ANO6: variants seen among roughly 807,000 people sequenced by gnomAD.
ANO6 encodes the protein anoctamin-6.
ANO6 carries 106 observed loss-of-function variants against 117.5 expected under a neutral mutation model. That is an observed-to-expected ratio of 0.90 (90% CI 0.77 to 1.06). The LOEUF (loss-of-function observed/expected upper bound fraction) is 1.06, where lower values mean the gene tolerates loss of function less well. ANO6 is among the 50% of genes least tolerant of loss of function. The probability of loss-of-function intolerance (pLI) is 0.00; values close to 1 mark genes in which losing one functional copy is unlikely to be tolerated. For synonymous variants in ANO6, 367 were observed against 385.1 expected (o/e 0.95, Z 0.55); for missense variants, 955 against 1,121.1 (o/e 0.85, Z 2.12).
chr12:45,330,847 T>C (rs773545400), intron 2 of ANO6, among the ~76,000 whole-genome samples: 9 of 152,010 alleles, frequency 5.9e-5, no homozygotes, highest in Non-Finnish European at 1.2e-4. Flanking sequence ...AAAGAAGTCA[T>C]GAAAAATGGT....
intron 2 of ANO6, among the ~76,000 whole-genome samples, chr12:45,305,341 A>G (rs2137316125): frequency 1.3e-5 from 2 of 152,340 alleles, no homozygotes; most frequent in Middle Eastern, 6.8e-3. Flanking sequence ...AAGCACAATG[A>G]AATCTGTTTT....
chr12:45,353,297 A>C, intron 7 of ANO6, among the ~76,000 whole-genome samples: 1 of 151,348 alleles, frequency 6.6e-6, no homozygotes, highest in South Asian at 2.1e-4. Context: ...AGGCACTTTC[A>C]TTAACTCTGT....
chr12:45,216,220 C>G lies in ANO6; in HGVS notation c.-102C>G, dbSNP rs1407429883. On this transcript the variant is annotated 5_prime_UTR_variant, in exon 1 of 20. Coordinates refer to ENST00000320560, the MANE Select transcript of ANO6 (RefSeq NM_001025356.3). ...GCGGCCCCTGAGCCCAAGCGACACACGCCCCGCGGTCCCCGATCCGGCCCC... is the reference window on the plus strand; with the variant it reads ...GCGGCCCCTGAGCCCAAGCGACACAGGCCCCGCGGTCCCCGATCCGGCCCC... The G allele has an allele frequency of 7.3e-7, 1 of 1,363,648 alleles. No individual in the cohort carries two copies. Among genetic ancestry groups the G allele is most frequent in the Non-Finnish European group, 1.0e-6 (1 of 980,020 alleles). 84.5% of individuals were successfully genotyped at this position (1,363,648 alleles called of 1,614,324 possible). A position where few individuals can be genotyped will look rare whatever the true frequency, so the allele number is the denominator to read the frequency against.
exon 20 of ANO6, chr12:45,439,714 A>G (rs1177013751): frequency 6.6e-7 from 1 of 1,523,966 alleles, no homozygotes; most frequent in South Asian, 1.2e-5. Flanking sequence ...CAGTGGCATG[A>G]TCTTGGCTCA....
At chr12:45,299,656 G>A (rs1284309578) in intron 1 of ANO6, among the ~76,000 whole-genome samples, 1 of 152,036 alleles carries the variant, frequency 6.6e-6, no homozygotes, top group South Asian at 2.1e-4. Flanking sequence ...TTCAAGACCA[G>A]CCTGGCCAGT....
At chr12:45,433,429 C>T (rs1438699092), downstream of ANO6, among the ~76,000 whole-genome samples, 3 of 152,204 alleles carry the variant, frequency 2.0e-5, no homozygotes, top group African/African-American at 7.2e-5. Context: ...CTTTGGCAAA[C>T]TCCTGCCCTT....
intron 9 of ANO6, among the ~76,000 whole-genome samples, chr12:45,372,228 C>T (rs534988327): frequency 4.7e-5 from 7 of 148,706 alleles, no homozygotes; most frequent in Admixed American, 3.3e-4. Context: ...ACCAAATCTA[C>T]GTCTGATTGG....
downstream of ANO6, among the ~76,000 whole-genome samples, chr12:45,432,844 C>G (rs1943663033): frequency 6.6e-6 from 1 of 152,156 alleles, no homozygotes; most frequent in Admixed American, 6.5e-5. Context: ...TCCCTGTCTC[C>G]CCTTCATTAC....
chr12:45,304,767 G>A (rs1939610818), intron 2 of ANO6, among the ~76,000 whole-genome samples: 2 of 152,168 alleles, frequency 1.3e-5, no homozygotes, highest in African/African-American at 4.8e-5. Context: ...AACATTGCCA[G>A]TTGAATAGTC....
chr12:45,414,247 G>T (rs1218715019), intron 16 of ANO6, among the ~76,000 whole-genome samples: 1 of 151,962 alleles, frequency 6.6e-6, no homozygotes, highest in East Asian at 1.9e-4. Flanking sequence ...TGAAAAAGTT[G>T]CAGGCAAGGG....
Position 45,403,090 on chromosome 12 carries a change from C to T in ANO6, c.1631C>T (p.Thr544Ile). ...ITNFELPRTQ[T>I]DYENSLTMKM... ...ACTACAGAACTCCCAAGGACCCAGA[C>T]TGATTATGAGAACAGCCTCACCATG... Residue 544 changes from threonine (T) to isoleucine (I), a missense_variant, in exon 14 of 20, where the codon ACT (threonine) becomes ATT (isoleucine). Transcript: ENST00000320560. The T allele has an allele frequency of 1.2e-6, 2 of 1,613,984 alleles. No individual in the cohort carries two copies. The highest frequency in any genetic ancestry group is 1.7e-6 in the Non-Finnish European group (2 of 1,179,936).
intron 7 of ANO6, among the ~76,000 whole-genome samples, chr12:45,353,642 T>C (rs1216461686): frequency 6.6e-6 from 1 of 152,188 alleles, no homozygotes; most frequent in African/African-American, 2.4e-5. Context: ...TCCCAGGGAT[T>C]ACTGAAGGGA....
At chr12:45,357,460 A>G (rs1941442959) in intron 8 of ANO6, 36 bp downstream of exon 8, 9 of 1,611,620 alleles carry the variant, frequency 5.6e-6, no homozygotes, top group Non-Finnish European at 3.4e-6. Flanking sequence ...CATGCTGAAA[A>G]GTTTATTAGA....
intron 1 of ANO6, among the ~76,000 whole-genome samples, chr12:45,262,539 C>G (rs1276112371): frequency 2.6e-5 from 4 of 152,136 alleles, no homozygotes; most frequent in Non-Finnish European, 5.9e-5. Flanking sequence ...ATTCTCTTGC[C>G]TCAGCCTCCC....
intron 19 of ANO6, among the ~76,000 whole-genome samples, 182 bp downstream of exon 19, chr12:45,423,244 C>T (rs1241288667): frequency 6.6e-6 from 1 of 152,176 alleles, no homozygotes. Flanking sequence ...AGAGCATTAT[C>T]TGCTTTTAAA....
At chr12:45,378,142 TCAA>T in intron 10 of ANO6, 29 bp downstream of exon 10, 1 of 1,566,172 alleles carries the variant, frequency 6.4e-7, no homozygotes, top group Non-Finnish European at 8.7e-7. Flanking sequence ...TTTCATGCAC[TCAA>T]TTTGATAGTA....
intron 1 of ANO6, among the ~76,000 whole-genome samples, chr12:45,266,176 C>T (rs1050350567): frequency 6.6e-6 from 1 of 152,166 alleles, no homozygotes; most frequent in Non-Finnish European, 1.5e-5. Context: ...TGCATCTTAA[C>T]CCACTTACAA....
At position 45,430,005 on chromosome 12, in the gene ANO6, A is replaced by T; in HGVS notation, c.*694A>T. On this transcript the variant is annotated 3_prime_UTR_variant, in exon 20 of 20. Transcript: ENST00000320560. ...GTGACACTTTTTATCTTCCAGGAGCACTCCTAGGAGGTTCCGTGCCTAATC... is the reference window on the plus strand; with the variant it reads ...GTGACACTTTTTATCTTCCAGGAGCTCTCCTAGGAGGTTCCGTGCCTAATC... 1 of 985,944 alleles carries T rather than the reference A, an allele frequency of 1.0e-6. No individual in the cohort carries two copies. Among genetic ancestry groups the T allele is most frequent in the Admixed American group, 6.1e-5 (1 of 16,344 alleles). 61.1% of individuals were successfully genotyped at this position (985,944 alleles called of 1,614,324 possible).
chr12:45,216,891 C>T (rs1157468915), intron 1 of ANO6, among the ~76,000 whole-genome samples: 1 of 152,144 alleles, frequency 6.6e-6, no homozygotes, highest in African/African-American at 2.4e-5. Flanking sequence ...GGCGGGGCGG[C>T]CCCGGGAAGT....
Sources: allele counts gnomAD v4.1 joint callset (sites outside exome capture counted in the v4.1 genomes callset), GRCh38; gene constraint gnomAD v4.1.1; transcripts MANE v1.5; gene names NCBI Gene and HGNC (gene_info 2026-07-23, HGNC 2026-07-21).